ITIH1: variants seen among roughly 807,000 people sequenced by gnomAD.
ITIH1 encodes the protein inter-alpha-trypsin inhibitor heavy chain 1.
ITIH1 carries 94 observed loss-of-function variants against 104.6 expected under a neutral mutation model. The observed-to-expected ratio is 0.90, with a 90% CI of 0.76 to 1.07. The LOEUF is 1.07. Among genes scored for constraint, ITIH1 ranks in the 50% least tolerant of loss-of-function variants. ITIH1 has a pLI of 0.00. For missense variants in ITIH1, 1,193 were observed against 1,181.4 expected (o/e 1.01, Z -0.14); for synonymous variants, 455 against 464.4 (o/e 0.98, Z 0.26).
At position 52,779,335 on chromosome 3, in the gene ITIH1, A is replaced by G. The variant is rs2154108146; in HGVS notation, c.411-97A>G. On this transcript the variant is annotated intron_variant, in intron 4 of 21. Transcript: ENST00000273283. The surrounding 1 kb of genome is among the most constrained non-coding windows in gnomAD (Gnocchi z 4.4). The stretch of plus-strand genomic sequence containing the variant: ...GGAAACCTGGGAGCAACACTCATCT[A>G]AGAGAAATAAATTCTGTGGGCCACA... 8 of 1,328,716 alleles carry G rather than the reference A, an allele frequency of 6.0e-6. No homozygotes were observed. Among genetic ancestry groups the G allele is most frequent in the Admixed American group, 3.5e-5 (2 of 56,618 alleles). The allele number at this position is 1,328,716 out of a possible 1,614,324, so 82.3% of individuals were successfully genotyped here.
chr3:52,784,352 T>A lies in ITIH1; in HGVS notation c.1282T>A (p.Phe428Ile). 6.2e-7 allele frequency: 1 copy of A among 1,614,138 alleles called. No homozygotes were observed. Among genetic ancestry groups the A allele is most frequent in the Admixed American group, 1.7e-5 (1 of 60,026 alleles). Reference protein sequence around the residue: ...KNVRNAIRGRFPLYNLGFGHN... With the variant: ...KNVRNAIRGRIPLYNLGFGHN... ...CGTCCGCAACGCCATCCGGGGCAGG[T>A]TCCCGCTCTACAACCTGGGTTTCGG... The change falls in exon 11 of 22, where the codon TTC (phenylalanine) becomes ATC (isoleucine). Residue 428 changes from phenylalanine (F) to isoleucine (I), a missense_variant. Physicochemically the swap from Phe to Ile is conservative, Grantham distance 21. Coordinates refer to ENST00000273283, the MANE Select transcript of ITIH1 (RefSeq NM_002215.4).
At chr3:52,787,325 C>A in intron 15 of ITIH1, 123 bp downstream of exon 15, 1 of 1,374,246 alleles carries the variant, frequency 7.3e-7, no homozygotes, top group Non-Finnish European at 1.0e-6. Flanking sequence ...CCTTCCCGTT[C>A]TTCCGTCCCC....
rs755021416 is a variant in ITIH1 at position 52,781,963 on chromosome 3, C to T, written c.711C>T (p.Thr237=). The change falls in exon 7 of 22, where the codon ACC becomes ACT. Residue 237 remains threonine, a synonymous_variant. Transcript: ENST00000273283. ...AGGGTCATGTGCTGTTCCGTCCCAC[C>T]GTGAGCCAGCAGCAGTCCTGCCCCA... is the stretch of plus-strand genomic sequence containing the variant. ...GKKGHVLFRP[T]VSQQQSCPTC... The T allele has an allele frequency of 7.4e-6, 12 of 1,614,066 alleles. No individual in the cohort carries two copies. The highest frequency in any genetic ancestry group is 1.3e-5 in the African/African-American group (1 of 74,916).
At chr3:52,786,553 C>A in intron 13 of ITIH1, 119 bp downstream of exon 13, 1 of 1,014,594 alleles carries the variant, frequency 9.9e-7, no homozygotes, top group Non-Finnish European at 1.4e-6. Flanking sequence ...CTTTCCTCTT[C>A]TGCTTTGCTC....
chr3:52,785,236 G>T lies in ITIH1; in HGVS notation c.1593+7G>T. The T allele has an allele frequency of 6.2e-7, 1 of 1,613,434 alleles. No homozygotes were observed. The highest frequency in any genetic ancestry group is 1.1e-5 in the South Asian group (1 of 91,052). On this transcript the variant is annotated splice_region_variant and intron_variant, in intron 12 of 21. Coordinates refer to ENST00000273283, the MANE Select transcript of ITIH1 (RefSeq NM_002215.4). ...TGATGTGCAGGCCCATGGGGTAAAT[G>T]GTGGGCCATGGAGGGTGGAGAGGCC...
rs1282184217 is a variant in ITIH1, at chr3:52,784,416, T to C, written c.1346T>C (p.Met449Thr). 7 of 1,614,112 alleles carry C rather than the reference T, an allele frequency of 4.3e-6. No individual in the cohort carries two copies. Among genetic ancestry groups the C allele is most frequent in the Non-Finnish European group, 5.9e-6 (7 of 1,179,998 alleles). The change falls in exon 11 of 22, where the codon ATG (methionine) becomes ACG (threonine). Residue 449 changes from methionine to threonine, a missense_variant. Physicochemically the swap from Met to Thr is moderately conservative, Grantham distance 81. Coordinates refer to ENST00000273283, the MANE Select transcript of ITIH1 (RefSeq NM_002215.4). ...TTTAACTTTCTGGAGGTCATGTCCA[T>C]GGAGAACAACGGACGGGCCCAGAGA... ...VDFNFLEVMS[M>T]ENNGRAQRIY...
At position 52,791,689 on chromosome 3, in the gene ITIH1, T is replaced by A. The variant is rs1699360576; in HGVS notation, c.2606+61T>A. ...GCCACTTTGTAGTTCTTCCAGGTCT[T>A]CCTCCAGGTGTCACATGGGTGGGGT... On this transcript the variant is annotated intron_variant, in intron 21 of 21. Coordinates refer to ENST00000273283, the MANE Select transcript of ITIH1 (RefSeq NM_002215.4). 3.1e-6 allele frequency: 5 copies of A among 1,608,150 alleles called. No individual in the cohort carries two copies. In the South Asian group the frequency reaches 5.5e-5, roughly 18 times the overall value.
At chr3:52,787,416 C>T (rs540320612) in intron 15 of ITIH1, among the ~76,000 whole-genome samples, 176 bp from the exon 16 acceptor site, 1 of 152,162 alleles carries the variant, frequency 6.6e-6, no homozygotes, top group East Asian at 1.9e-4. Flanking sequence ...CCAGCAGCCT[C>T]CACTGGTCCC....
At chr3:52,778,845 A>T in intron 3 of ITIH1, 97 bp from the exon 4 acceptor site, 1 of 1,100,358 alleles carries the variant, frequency 9.1e-7, no homozygotes, top group South Asian at 1.3e-5. Context: ...GCTCGTCAGG[A>T]GACGTCCTTA....
intron 16 of ITIH1, 150 bp downstream of exon 16, chr3:52,787,762 G>A (rs1233396670): frequency 1.0e-6 from 1 of 990,716 alleles, no homozygotes; most frequent in Non-Finnish European, 1.6e-6. Context: ...CCCAGCCTGA[G>A]GTCCCTGGGG....
intron 19 of ITIH1, chr3:52,790,372 C>A (rs1158075781): frequency 7.0e-6 from 2 of 285,518 alleles, no homozygotes. Flanking sequence ...GTGGAGGTCA[C>A]AGGTGATGAG....
rs113561002 is a variant in ITIH1 at position 52,788,067 on chromosome 3, G to A, written c.2005+1G>A. Reference sequence around the variant, plus strand: ...CGGCTGCCAGACCGAGTGACCGGCGGTGAGTCCTTGGAAGGGTCTGAGGGA... The same window carrying A: ...CGGCTGCCAGACCGAGTGACCGGCGATGAGTCCTTGGAAGGGTCTGAGGGA... On this transcript the variant is annotated splice_donor_variant, in intron 17 of 21. Transcript: ENST00000273283. LOFTEE classifies it high-confidence loss of function. 46 of 1,600,564 alleles carry A rather than the reference G, an allele frequency of 2.9e-5. No homozygotes were observed. The highest frequency in any genetic ancestry group is 4.5e-5 in the East Asian group (2 of 44,840).
chr3:52,778,668 T>C, intron 3 of ITIH1, 162 bp downstream of exon 3: 1 of 1,453,966 alleles, frequency 6.9e-7, no homozygotes, highest in South Asian at 1.5e-5. Context: ...GCCCTTTAGG[T>C]CTGTGCTTGG....
At chr3:52,778,049 A>G in intron 2 of ITIH1, 32 bp downstream of exon 2, 1 of 1,613,490 alleles carries the variant, frequency 6.2e-7, no homozygotes, top group African/African-American at 1.3e-5. Flanking sequence ...GGGGTCTGTG[A>G]CAGAGCCCTT....
rs1450122483 is a variant in ITIH1 at position 52,778,933 on chromosome 3, T to C, written c.306-9T>C. ...CATCTTTCCTGAGGGTGTCCTTCCC[T>C]CCCTGCAGTACAGCAGATGGAAACG... is the stretch of plus-strand genomic sequence containing the variant. On this transcript the variant is annotated splice_polypyrimidine_tract_variant and intron_variant, in intron 3 of 21. Coordinates refer to ENST00000273283, the MANE Select transcript of ITIH1 (RefSeq NM_002215.4). The C allele has an allele frequency of 5.0e-6, 8 of 1,597,174 alleles. No homozygotes were observed. Among genetic ancestry groups the C allele is most frequent in the African/African-American group, 1.3e-5 (1 of 74,758 alleles).
intron 10 of ITIH1, among the ~76,000 whole-genome samples, chr3:52,783,577 T>C (rs2710322): frequency 0.86 from 131,423 of 152,208 alleles, 56,917 homozygotes; most frequent in Middle Eastern, 0.92. Flanking sequence ...CAGGTCTGTA[T>C]GAGTCCCTGG....
Position 52,781,790 on chromosome 3 carries a change from C to T in ITIH1, c.688-150C>T, listed in dbSNP as rs1559461700. 4 of 871,474 alleles carry T rather than the reference C, an allele frequency of 4.6e-6. No homozygotes were observed. In the South Asian group the frequency reaches 4.9e-5, roughly 11 times the overall value. 54.0% of individuals were successfully genotyped at this position (871,474 alleles called of 1,614,324 possible). A position where few individuals can be genotyped will look rare whatever the true frequency, so the allele number is the denominator to read the frequency against. ...ACCACCTACAGGTGTGTGCTCTCAG[C>T]AGCTAGGTGAGTGAGTGGCCCACCG... is the stretch of plus-strand genomic sequence containing the variant. On this transcript the variant is annotated intron_variant, in intron 6 of 21. Transcript: ENST00000273283.
Position 52,780,290 on chromosome 3 carries a change from C to A in ITIH1, c.595C>A (p.Pro199Thr), listed in dbSNP as rs546045332. 6.2e-7 allele frequency: 1 copy of A among 1,613,612 alleles called. No individual in the cohort carries two copies. Among genetic ancestry groups the A allele is most frequent in the African/African-American group, 1.3e-5 (1 of 75,026 alleles). ...GCAGATTGATGTGGACATCTTCGAGCCCCAGGGGATCAGCAAGCTGGATGC... is the reference window on the plus strand; with the variant it reads ...GCAGATTGATGTGGACATCTTCGAGACCCAGGGGATCAGCAAGCTGGATGC... The part of the protein sequence containing the change: ...HFEIDVDIFE[P>T]QGISKLDAQA... The change falls in exon 6 of 22, where the codon CCC becomes ACC. Residue 199 changes from proline (P) to threonine (T), a missense_variant. Coordinates refer to ENST00000273283, the MANE Select transcript of ITIH1 (RefSeq NM_002215.4).
Position 52,782,990 on chromosome 3 carries a change from A to G in ITIH1, c.964A>G (p.Met322Val). 1.9e-6 allele frequency: 3 copies of G among 1,614,104 alleles called. No individual in the cohort carries two copies. Among genetic ancestry groups the G allele is most frequent in the Non-Finnish European group, 2.5e-6 (3 of 1,180,008 alleles). Residue 322 changes from methionine (M) to valine (V), a missense_variant, in exon 9 of 22, where the codon ATG (methionine) becomes GTG (valine). Met to Val is a conservative substitution (Grantham distance 21). Transcript: ENST00000273283. ...GGCACTCCTTAAAATTCTGGGGGAC[A>G]TGCAGCCAGGGGACTACTTTGACCT... Reference protein sequence around the residue: ...KEALLKILGDMQPGDYFDLVL... With the variant: ...KEALLKILGDVQPGDYFDLVL...
Sources: gnomAD v4.1 joint callset for allele counts (sites outside exome capture counted in the v4.1 genomes callset) on GRCh38, gnomAD v4.1.1 for gene constraint, Gnocchi (gnomAD v3.1) non-coding constraint, MANE v1.5 for transcripts, NCBI Gene and HGNC (gene_info 2026-07-23, HGNC 2026-07-21) for gene names.